TMEM131L: variants seen among roughly 807,000 people sequenced by gnomAD.
TMEM131L encodes the protein transmembrane 131 like.
A neutral mutation model predicts 192.2 loss-of-function variants in TMEM131L; 54 were observed. The ratio of observed to expected loss-of-function variants is 0.28; its 90% CI spans 0.23 to 0.35. The LOEUF is 0.35. Among genes scored for constraint, TMEM131L ranks in the 10% least tolerant of loss-of-function variants. The probability of loss-of-function intolerance (pLI) is 1.00; values close to 1 mark genes in which losing one functional copy is unlikely to be tolerated. For missense variants in TMEM131L, 1,888 were observed against 1,972.9 expected (o/e 0.96, Z 0.82); for synonymous variants, 701 against 704.9 (o/e 0.99, Z 0.09).
At chr4:153,604,789 C>T (rs984119853) in intron 25 of TMEM131L, among the ~76,000 whole-genome samples, 3 of 152,106 alleles carry the variant, frequency 2.0e-5, no homozygotes, top group Admixed American at 1.3e-4. Flanking sequence ...ACTGTGACCT[C>T]CGCCTCCTGG....
At chr4:153,508,963 GCTTAA>G (rs1375985197) in intron 3 of TMEM131L, among the ~76,000 whole-genome samples, 9 of 151,908 alleles carry the variant, frequency 5.9e-5, no homozygotes, top group East Asian at 1.9e-4. Flanking sequence ...TCTTTAAATG[GCTTAA>G]CTTAAGTAAG....
chr4:153,619,329 G>A (rs528567027), intron 26 of TMEM131L, among the ~76,000 whole-genome samples: 23 of 152,336 alleles, frequency 1.5e-4, no homozygotes, highest in Non-Finnish European at 1.9e-4. Context: ...AAGACACAAA[G>A]GAACAATACA....
intron 3 of TMEM131L, among the ~76,000 whole-genome samples, chr4:153,534,495 G>A (rs1032615087): frequency 7.2e-5 from 11 of 152,032 alleles, no homozygotes; most frequent in South Asian, 2.1e-4. Context: ...GTACAGTGGC[G>A]CAATCTCAGC....
rs183983317 is a variant in TMEM131L, at chr4:153,568,884, C to T, written c.660+10516C>T. ...TTGTATTACTGATAAGACATATTCT[C>T]CTGTATCAGCCAGGGTAAGAGAGCC... On this transcript the variant is annotated intron_variant, in intron 7 of 34. Transcript: ENST00000409959. 6.6e-5 allele frequency among the ~76,000 whole-genome samples: 10 copies of T among 152,198 alleles called. 1 individual carries two copies. The highest frequency in any genetic ancestry group is 1.3e-4 in the Admixed American group (2 of 15,286).
chr4:153,574,645 C>T (rs892979505), intron 7 of TMEM131L, among the ~76,000 whole-genome samples: 1 of 152,194 alleles, frequency 6.6e-6, no homozygotes, highest in Admixed American at 6.5e-5. Context: ...GTTACCCAGG[C>T]TGGAGTGCAA....
chr4:153,581,431 G>A lies in TMEM131L; in HGVS notation c.763G>A (p.Val255Ile), dbSNP rs769441882. 3.2e-6 allele frequency: 5 copies of A among 1,574,490 alleles called. No homozygotes were observed. The Admixed American group carries it at 9.0e-5, about 28-fold the overall frequency. ...GGGTTGTTATCTGGAATCTGATGAT[G>A]TTTTGCGTCTACAAATGAGCATAAT... Reference protein sequence around the residue: ...LKGCYLESDDVLRLQMSIMVT... With the variant: ...LKGCYLESDDILRLQMSIMVT... Residue 255 changes from valine (V) to isoleucine (I), a missense_variant, in exon 9 of 35, where the codon GTT (valine) becomes ATT (isoleucine). Physicochemically the swap from Val to Ile is conservative, Grantham distance 29 (BLOSUM62 3). Coordinates refer to ENST00000409959, the MANE Select transcript of TMEM131L (RefSeq NM_001131007.2).
chr4:153,485,698 T>A (rs1360549610), intron 3 of TMEM131L, among the ~76,000 whole-genome samples: 2 of 152,216 alleles, frequency 1.3e-5, no homozygotes, highest in Non-Finnish European at 2.9e-5. Context: ...ATGACAGGTG[T>A]ATGTAGTATG....
At chr4:153,634,609 A>G (rs1437513693) in intron 33 of TMEM131L, among the ~76,000 whole-genome samples, 1 of 152,202 alleles carries the variant, frequency 6.6e-6, no homozygotes, top group Non-Finnish European at 1.5e-5. Flanking sequence ...CCGGGGCTTT[A>G]GCTGCTCGCT....
intron 3 of TMEM131L, among the ~76,000 whole-genome samples, chr4:153,491,019 G>A (rs552086425): frequency 4.0e-5 from 6 of 151,068 alleles, no homozygotes; most frequent in Admixed American, 6.6e-5. Flanking sequence ...ACAAGACCCC[G>A]TTCAGAGATG....
chr4:153,530,050 G>C (rs1297346425), intron 3 of TMEM131L, among the ~76,000 whole-genome samples: 1 of 144,850 alleles, frequency 6.9e-6, no homozygotes, highest in Non-Finnish European at 1.5e-5. Flanking sequence ...TTTTTTTTTA[G>C]GTCTGTGCTG....
intron 5 of TMEM131L, 118 bp from the exon 6 acceptor site, chr4:153,556,848 T>TATC (rs1554032815): frequency 2.6e-5 from 16 of 619,562 alleles, no homozygotes; most frequent in South Asian, 1.4e-4. Context: ...ATAATACTGA[T>TATC]AAGGGTGCAC....
chr4:153,596,245 T>G lies in TMEM131L; in HGVS notation c.1996-13T>G, dbSNP rs778067445. 31 of 1,613,092 alleles carry G rather than the reference T, an allele frequency of 1.9e-5. No homozygotes were observed. Among genetic ancestry groups the G allele is most frequent in the Non-Finnish European group, 2.6e-5 (31 of 1,179,470 alleles). ...TCTAGGAGTATGACATGGTTTAATT[T>G]GTTAATTTGCAGGGTACGCATTCTG... On this transcript the variant is annotated splice_polypyrimidine_tract_variant and intron_variant, in intron 19 of 34. Coordinates refer to ENST00000409959, the MANE Select transcript of TMEM131L (RefSeq NM_001131007.2).
intron 7 of TMEM131L, among the ~76,000 whole-genome samples, chr4:153,558,934 G>A (rs1300264387): frequency 6.6e-6 from 1 of 152,186 alleles, no homozygotes; most frequent in Non-Finnish European, 1.5e-5. Context: ...TCATTTTATA[G>A]GGTTGGCTAC....
At chr4:153,622,060 C>T (rs1475070943) in intron 28 of TMEM131L, among the ~76,000 whole-genome samples, 1 of 152,174 alleles carries the variant, frequency 6.6e-6, no homozygotes, top group Non-Finnish European at 1.5e-5. Context: ...GCCCCCCAGC[C>T]CCCCAGTCTG....
chr4:153,533,491 G>T (rs925339815), intron 3 of TMEM131L, among the ~76,000 whole-genome samples: 1 of 152,158 alleles, frequency 6.6e-6, no homozygotes, highest in Admixed American at 6.5e-5. Flanking sequence ...TTCATTCTGG[G>T]ATTACAGATC....
intron 3 of TMEM131L, among the ~76,000 whole-genome samples, chr4:153,520,347 C>T (rs1385105356): frequency 1.3e-5 from 2 of 151,900 alleles, no homozygotes; most frequent in South Asian, 2.1e-4. Flanking sequence ...GGCACTCGTC[C>T]GTGGTTCCAG....
In TMEM131L at chr4:153,467,241, T is replaced by A; in HGVS notation, c.155T>A (p.Leu52Gln). The change falls in exon 2 of 35, where the codon CTG becomes CAG. Residue 52 changes from leucine to glutamine, a missense_variant. Physicochemically the swap from Leu to Gln is moderately radical, Grantham distance 113 (BLOSUM62 -2). Transcript: ENST00000409959. ...AIEPLPNVVE[L>Q]WQAEEGELLL... The stretch of plus-strand genomic sequence containing the variant: ...GAGCCGTTGCCGAACGTGGTGGAGC[T>A]GTGGCAGGCAGAAGAAGGGGAACTC... 1 of 1,551,672 alleles carries A rather than the reference T, an allele frequency of 6.4e-7. No individual in the cohort carries two copies. Among genetic ancestry groups the A allele is most frequent in the Non-Finnish European group, 8.7e-7 (1 of 1,146,954 alleles).
Position 153,557,098 on chromosome 4 carries a change from CT to C in TMEM131L, c.549+20del. 8.3e-7 allele frequency: 1 copy of C among 1,204,244 alleles called. No homozygotes were observed. Among genetic ancestry groups the C allele is most frequent in the Non-Finnish European group, 1.2e-6 (1 of 812,382 alleles). The allele number at this position is 1,204,244 out of a possible 1,614,324, so 74.6% of individuals were successfully genotyped here. Reference sequence around the variant, plus strand: ...TTCCTATCATGTGAGTAACTTTTTCCTTTTGTCACAACTTTGGTTGGTGACT... The same window carrying C: ...TTCCTATCATGTGAGTAACTTTTTCCTTTGTCACAACTTTGGTTGGTGACT... On this transcript the variant is annotated intron_variant, in intron 6 of 34. Coordinates refer to ENST00000409959, the MANE Select transcript of TMEM131L (RefSeq NM_001131007.2).
At chr4:153,592,387 A>G in intron 17 of TMEM131L, 88 bp from the exon 18 acceptor site, 6 of 810,346 alleles carry the variant, frequency 7.4e-6, no homozygotes, top group Admixed American at 3.9e-5. Context: ...ATATTTCCTC[A>G]TGATTAGGTT....
Sources: allele counts gnomAD v4.1 joint callset (sites outside exome capture counted in the v4.1 genomes callset), GRCh38; gene constraint gnomAD v4.1.1; transcripts MANE v1.5; gene names NCBI Gene and HGNC (gene_info 2026-07-23, HGNC 2026-07-21).